The following RBFOX1 variants were observed in gnomAD, a reference collection of about 807,000 sequenced individuals.
RBFOX1 encodes the protein RNA binding protein fox-1 homolog 1.
Under a neutral mutation model 57.7 loss-of-function variants are expected in RBFOX1, and 8 were observed. The ratio of observed to expected loss-of-function variants is 0.14; its 90% CI spans 0.08 to 0.25. RBFOX1 has a LOEUF of 0.25. Among genes scored for constraint, RBFOX1 ranks in the 10% least tolerant of loss-of-function variants. The pLI is 1.00. For missense variants in RBFOX1, 611 were observed against 548.5 expected, an observed-to-expected ratio of 1.11 and a Z score of -1.14; for synonymous variants, 326 against 222.4, an observed-to-expected ratio of 1.47 and a Z score of -4.15.
intron 3 of RBFOX1, among the ~76,000 whole-genome samples, chr16:6,713,285 A>T (rs1382615142): frequency 7.0e-6 from 1 of 142,740 alleles, no homozygotes; most frequent in Admixed American, 7.0e-5. Flanking sequence ...TTTGTGTAAT[A>T]ATAACAGTCC....
At chr16:6,944,413 AAAG>A (rs1339787574) in intron 3 of RBFOX1, among the ~76,000 whole-genome samples, 2 of 149,686 alleles carry the variant, frequency 1.3e-5, no homozygotes, top group African/African-American at 2.5e-5. Flanking sequence ...AAAAAAAAAA[AAAG>A]AAAGAAAAGA....
intron 1 of RBFOX1, among the ~76,000 whole-genome samples, chr16:6,042,307 G>T (rs147018585): frequency 6.6e-6 from 1 of 151,908 alleles, no homozygotes; most frequent in Non-Finnish European, 1.5e-5. Context: ...CACCGTGTTG[G>T]CCAGGATGGT....
chr16:6,329,670 G>T (rs1427643034), intron 2 of RBFOX1, among the ~76,000 whole-genome samples: 1 of 152,198 alleles, frequency 6.6e-6, no homozygotes, highest in African/African-American at 2.4e-5. Flanking sequence ...GGTGGCCCAT[G>T]CCTGTAATCC....
chr16:7,422,410 G>C (rs1334827455), intron 4 of RBFOX1, among the ~76,000 whole-genome samples: 1 of 152,128 alleles, frequency 6.6e-6, no homozygotes, highest in Non-Finnish European at 1.5e-5. Context: ...GGCAAGGGAG[G>C]CTGCCAACAT....
chr16:6,799,777 C>T (rs11642370), intron 3 of RBFOX1, among the ~76,000 whole-genome samples: 17,407 of 152,058 alleles, frequency 0.11, 1,492 homozygotes, highest in African/African-American at 0.23. Flanking sequence ...CTTTGGACCG[C>T]TGGACTTAAC....
chr16:6,661,858 A>T (rs2098703575), intron 3 of RBFOX1, among the ~76,000 whole-genome samples: 1 of 152,172 alleles, frequency 6.6e-6, no homozygotes, highest in Admixed American at 6.5e-5. Context: ...TTTTTGAAGG[A>T]CCTCTATACT....
At chr16:6,880,198 T>A (rs55818804) in intron 3 of RBFOX1, among the ~76,000 whole-genome samples, 5 of 151,910 alleles carry the variant, frequency 3.3e-5, no homozygotes, top group African/African-American at 1.2e-4. Context: ...TCCTTTAAGG[T>A]ATAAAAGAGC....
At chr16:6,562,088 A>G (rs2097186567) in intron 2 of RBFOX1, among the ~76,000 whole-genome samples, 1 of 152,164 alleles carries the variant, frequency 6.6e-6, no homozygotes, top group African/African-American at 2.4e-5. Context: ...GTTCAGCTGC[A>G]TTTCTACTGA....
chr16:6,375,094 G>C (rs1414784848), intron 2 of RBFOX1, among the ~76,000 whole-genome samples: 1 of 152,206 alleles, frequency 6.6e-6, no homozygotes, highest in African/African-American at 2.4e-5. Context: ...GCTAATGGGA[G>C]TGTGTGCACA....
intron 3 of RBFOX1, among the ~76,000 whole-genome samples, chr16:7,043,489 T>C (rs2046866747): frequency 6.6e-6 from 1 of 152,190 alleles, no homozygotes; most frequent in Non-Finnish European, 1.5e-5. Flanking sequence ...CCCTAGGTAC[T>C]TGGAGACGTG....
intron 4 of RBFOX1, among the ~76,000 whole-genome samples, chr16:7,159,462 G>C (rs990246786): frequency 1.3e-5 from 2 of 152,156 alleles, no homozygotes; most frequent in African/African-American, 2.4e-5. Flanking sequence ...GGATTCAGAA[G>C]GGTCATGAGG....
intron 3 of RBFOX1, among the ~76,000 whole-genome samples, chr16:6,762,411 T>C (rs1220976535): frequency 6.6e-6 from 1 of 152,090 alleles, no homozygotes; most frequent in Non-Finnish European, 1.5e-5. Context: ...CAGTACTTAA[T>C]TGAACATACC....
rs1474822102 is a variant in RBFOX1, at chr16:6,843,506, G to C, written c.-16+188856G>C. Reference sequence around the variant, plus strand: ...GATCGAGACCATCCTGGCTAACACTGTGAAACCCCGTCTGTACTAAAAATA... The same window carrying C: ...GATCGAGACCATCCTGGCTAACACTCTGAAACCCCGTCTGTACTAAAAATA... On this transcript the variant is annotated intron_variant, in intron 3 of 15. Coordinates refer to ENST00000550418, the MANE Select transcript of RBFOX1 (RefSeq NM_018723.4). Among the ~76,000 whole-genome samples the C allele has an allele frequency of 2.6e-5, 4 of 152,158 alleles. No homozygotes were observed. In the East Asian group the frequency reaches 7.7e-4, roughly 29 times the overall value.
intron 5 of RBFOX1, among the ~76,000 whole-genome samples, chr16:7,578,293 C>G (rs909329886): frequency 2.0e-5 from 3 of 152,184 alleles, no homozygotes; most frequent in East Asian, 3.8e-4. Context: ...CCTATTCAAT[C>G]CAACAGTATA....
intron 14 of RBFOX1, among the ~76,000 whole-genome samples, chr16:7,705,575 G>C (rs767464684): frequency 6.6e-6 from 1 of 152,164 alleles, no homozygotes; most frequent in African/African-American, 2.4e-5. Flanking sequence ...GATGAAGATT[G>C]AAAGAGGGAC....
rs577044929 is a variant in RBFOX1 at position 7,606,740 on chromosome 16, A to T, written c.623-545A>T. Among the ~76,000 whole-genome samples, 23 of 152,340 alleles carry T rather than the reference A, an allele frequency of 1.5e-4. 1 individual carries two copies. The South Asian group carries it at 4.8e-3, about 32-fold the overall frequency. ...AGAATTTTTTACAGTTCCTGAATGC[A>T]TCAAAATGTAGGCCACAGTAAATCT... On this transcript the variant is annotated intron_variant, in intron 9 of 15. Coordinates refer to ENST00000550418, the MANE Select transcript of RBFOX1 (RefSeq NM_018723.4).
At chr16:5,980,868 A>G (rs549773546) in intron 4 of RBFOX1, among the ~76,000 whole-genome samples, 15 of 151,932 alleles carry the variant, frequency 9.9e-5, no homozygotes, top group Admixed American at 6.6e-4. Flanking sequence ...TCGTCCTGCC[A>G]TTTCACATGG....
chr16:5,349,219 C>T lies in RBFOX1; in HGVS notation c.219+109114C>T, dbSNP rs80096779. On this transcript the variant is annotated intron_variant, in intron 1 of 2. Transcript: ENST00000585867. ...GTACAAATACCATATGAGTCCACTT[C>T]TAGGAGATATCTAAAATAGCCAGAC... Among the ~76,000 whole-genome samples, 432 of 152,280 alleles carry T rather than the reference C, an allele frequency of 2.8e-3. 1 individual carries two copies. The highest frequency in any genetic ancestry group is 5.2e-3 in the Non-Finnish European group (351 of 68,026).
chr16:6,222,711 A>ATTC (rs2097384205), intron 1 of RBFOX1, among the ~76,000 whole-genome samples: 2 of 147,742 alleles, frequency 1.4e-5, no homozygotes, highest in Non-Finnish European at 3.0e-5. Flanking sequence ...TATTATTATT[A>ATTC]TTATTATGCT....
Sources: allele counts gnomAD v4.1 joint callset (sites outside exome capture counted in the v4.1 genomes callset), GRCh38; gene constraint gnomAD v4.1.1; transcripts MANE v1.5; gene names NCBI Gene and HGNC (gene_info 2026-07-23, HGNC 2026-07-21).